ALPK1: variants seen among roughly 807,000 people sequenced by gnomAD.
ALPK1 encodes alpha kinase 1, also known as alpha-protein kinase 1.
ALPK1 carries 110 observed loss-of-function variants against 120.6 expected under a neutral mutation model. The ratio of observed to expected loss-of-function variants is 0.91; its 90% CI spans 0.78 to 1.07. The LOEUF is 1.07. ALPK1 is among the 50% of genes least tolerant of loss of function. The pLI is 0.00. For synonymous variants in ALPK1, 582 were observed against 560.3 expected (o/e 1.04, Z -0.55); for missense variants, 1,498 against 1,483.9 (o/e 1.01, Z -0.16).
chr4:112,377,339 A>G (rs940508620), intron 2 of ALPK1, among the ~76,000 whole-genome samples: 4 of 152,206 alleles, frequency 2.6e-5, no homozygotes, highest in African/African-American at 7.2e-5. Context: ...GAGAGCAGAG[A>G]GTGTGGTGCC....
At chr4:112,409,134 G>T (rs1234807666) in intron 4 of ALPK1, among the ~76,000 whole-genome samples, 1 of 150,418 alleles carries the variant, frequency 6.6e-6, no homozygotes, top group Non-Finnish European at 1.5e-5. Flanking sequence ...TTGATACGTT[G>T]GTTTTTTAAA....
rs188482268 is a variant in ALPK1 at position 112,321,984 on chromosome 4, G to A, written c.-101+6132G>A. On this transcript the variant is annotated intron_variant, in intron 2 of 15. Coordinates refer to ENST00000650871, the MANE Select transcript of ALPK1 (RefSeq NM_025144.4). Reference sequence around the variant, plus strand: ...CTGATAAGTGCCACCAGTAGAGGGCGGCAGTGAGGCACTAGAAAGAAGAAC... The same window carrying A: ...CTGATAAGTGCCACCAGTAGAGGGCAGCAGTGAGGCACTAGAAAGAAGAAC... Among the ~76,000 whole-genome samples the A allele has an allele frequency of 8.8e-4, 134 of 151,822 alleles. 1 individual carries two copies. Among genetic ancestry groups the A allele is most frequent in the African/African-American group, 3.0e-3 (125 of 41,452 alleles).
intron 4 of ALPK1, among the ~76,000 whole-genome samples, chr4:112,396,150 CTTCCAGCCCTCATTAT>C (rs777708619): frequency 1.3e-3 from 202 of 152,250 alleles, no homozygotes; most frequent in Middle Eastern, 6.8e-3. Context: ...GAAGTAAATA[CTTCCAGCCCTCATTAT>C]TTGAAAGATA....
intron 2 of ALPK1, among the ~76,000 whole-genome samples, chr4:112,376,512 G>T (rs1014927630): frequency 6.6e-6 from 1 of 152,242 alleles, no homozygotes; most frequent in African/African-American, 2.4e-5. Context: ...TTCATTTTCT[G>T]CTCCTGCTAA....
At chr4:112,424,999 C>T (rs919850355) in intron 6 of ALPK1, 12 of 152,392 alleles carry the variant, frequency 7.9e-5, no homozygotes, top group African/African-American at 2.9e-4. Context: ...TCCACACACC[C>T]AAACCCAGCT....
intron 2 of ALPK1, among the ~76,000 whole-genome samples, chr4:112,331,091 A>G (rs1052090837): frequency 1.3e-5 from 2 of 152,194 alleles, no homozygotes; most frequent in East Asian, 1.9e-4. Flanking sequence ...CAAGCATTCA[A>G]TAGTGGTGTG....
chr4:112,304,027 G>A (rs1330631161), intron 1 of ALPK1, among the ~76,000 whole-genome samples: 2 of 152,038 alleles, frequency 1.3e-5, no homozygotes, highest in Non-Finnish European at 2.9e-5. Context: ...GCGATAGTTT[G>A]CTGAGAATGA....
chr4:112,366,433 A>G (rs2148720049), intron 2 of ALPK1, among the ~76,000 whole-genome samples: 1 of 152,358 alleles, frequency 6.6e-6, no homozygotes, highest in Admixed American at 6.5e-5. Context: ...ATGGCCAACA[A>G]ACATATGGAA....
chr4:112,353,804 G>A (rs1032015668), intron 2 of ALPK1, among the ~76,000 whole-genome samples: 2 of 152,056 alleles, frequency 1.3e-5, no homozygotes, highest in African/African-American at 4.8e-5. Context: ...AGGAGGTGAA[G>A]GTTTCAGTGA....
At chr4:112,307,204 G>A (rs970426366) in intron 1 of ALPK1, among the ~76,000 whole-genome samples, 4 of 152,090 alleles carry the variant, frequency 2.6e-5, no homozygotes, top group African/African-American at 9.7e-5. Context: ...GTGTGATGTG[G>A]TGCTGAGAAG....
intron 2 of ALPK1, among the ~76,000 whole-genome samples, chr4:112,345,402 G>A (rs936882096): frequency 6.6e-6 from 1 of 152,192 alleles, no homozygotes; most frequent in Non-Finnish European, 1.5e-5. Context: ...AATACAATGT[G>A]TTGTTGGCAA....
chr4:112,438,048 G>A (rs750110796), intron 12 of ALPK1, among the ~76,000 whole-genome samples: 3 of 152,082 alleles, frequency 2.0e-5, no homozygotes, highest in African/African-American at 2.4e-5. Context: ...AGGTATTGAC[G>A]GATAATAAGT....
chr4:112,421,045 C>T (rs1733970736), intron 5 of ALPK1, among the ~76,000 whole-genome samples: 1 of 152,096 alleles, frequency 6.6e-6, no homozygotes, highest in Admixed American at 6.5e-5. Flanking sequence ...ATTGGTCAGG[C>T]TGGTCTCGAA....
chr4:112,385,023 G>C (rs1732091239), intron 4 of ALPK1, among the ~76,000 whole-genome samples: 1 of 152,160 alleles, frequency 6.6e-6, no homozygotes, highest in Non-Finnish European at 1.5e-5. Flanking sequence ...GAGTGACTCA[G>C]CTTTGACTTT....
At chr4:112,339,895 CTT>C (rs1373433038) in intron 2 of ALPK1, among the ~76,000 whole-genome samples, 2 of 152,188 alleles carry the variant, frequency 1.3e-5, no homozygotes, top group African/African-American at 4.8e-5. Context: ...ACCAAAAATA[CTT>C]GGTTATAGTT....
At chr4:112,425,566 A>G (rs931856173) in intron 6 of ALPK1, 99 bp from the exon 7 acceptor site, 5 of 947,886 alleles carry the variant, frequency 5.3e-6, no homozygotes, top group Non-Finnish European at 4.9e-6. Context: ...GTTTCTCAAA[A>G]TGATGTCACA....
chr4:112,440,886 T>C (rs1376977241), intron 14 of ALPK1, 31 bp from the exon 15 acceptor site: 2 of 1,573,198 alleles, frequency 1.3e-6, no homozygotes, highest in East Asian at 4.5e-5. Flanking sequence ...ACAGGGAATT[T>C]AATACTCAGG....
At chr4:112,415,096 A>G (rs936543792) in intron 5 of ALPK1, 12 of 152,288 alleles carry the variant, frequency 7.9e-5, no homozygotes, top group South Asian at 4.2e-4. Flanking sequence ...GATGGAGGGG[A>G]AAAAAACTCT....
At chr4:112,436,646 A>T (rs1734802105) in intron 12 of ALPK1, among the ~76,000 whole-genome samples, 1 of 152,236 alleles carries the variant, frequency 6.6e-6, no homozygotes, top group African/African-American at 2.4e-5. Context: ...GAACTGCCAG[A>T]AGCTGGGAGA....
Sources: allele counts gnomAD v4.1 joint callset (sites outside exome capture counted in the v4.1 genomes callset), GRCh38; gene constraint gnomAD v4.1.1; transcripts MANE v1.5; gene names NCBI Gene and HGNC (gene_info 2026-07-23, HGNC 2026-07-21).